The following LOXHD1 variants were observed in gnomAD, a reference collection of about 807,000 sequenced individuals.
LOXHD1 encodes lipoxygenase homology PLAT domains 1, also known as lipoxygenase homology domain-containing protein 1.
A neutral mutation model predicts 248.2 loss-of-function variants in LOXHD1; 205 were observed. The observed-to-expected ratio is 0.83, with a 90% CI of 0.74 to 0.93. The LOEUF (loss-of-function observed/expected upper bound fraction) is 0.93. LOXHD1 is among the 40% of genes least tolerant of loss of function. LOXHD1 has a pLI of 0.00. For missense variants in LOXHD1, 2,930 were observed against 2,971.6 expected (o/e 0.99, Z 0.33); for synonymous variants, 1,113 against 1,162.8 (o/e 0.96, Z 0.87).
At chr18:46,542,589 G>T in intron 24 of LOXHD1, 138 bp downstream of exon 24, 2 of 1,074,840 alleles carry the variant, frequency 1.9e-6, no homozygotes, top group Non-Finnish European at 2.7e-6. Flanking sequence ...GCTCTACTGG[G>T]CTAAAGGGAT....
chr18:46,521,960 G>T, intron 32 of LOXHD1, 141 bp downstream of exon 32: 1 of 664,054 alleles, frequency 1.5e-6, no homozygotes. Context: ...CTGGCTAGTT[G>T]GTTCTTCTCT....
At chr18:46,496,758 T>A (rs1204142772) in intron 37 of LOXHD1, among the ~76,000 whole-genome samples, 1 of 152,162 alleles carries the variant, frequency 6.6e-6, no homozygotes, top group Non-Finnish European at 1.5e-5. Context: ...ATCCCAGCAC[T>A]TTGGGAGGCC....
chr18:46,503,414 G>A lies in LOXHD1; in HGVS notation c.5878+2424C>T, dbSNP rs534227933. Among the ~76,000 whole-genome samples, 38 of 152,256 alleles carry A rather than the reference G, an allele frequency of 2.5e-4. No individual in the cohort carries two copies. The South Asian group carries it at 7.5e-3, about 30-fold the overall frequency. On this transcript the variant is annotated intron_variant, in intron 37 of 40. Coordinates refer to ENST00000642948, the MANE Select transcript of LOXHD1 (RefSeq NM_001384474.1). ...AGGCCTGTGGAGATACACAGAATGT[G>A]GCTCAATGCTTTCACACTTGTCTTG...
chr18:46,656,626 C>G (rs745337604), intron 1 of LOXHD1, among the ~76,000 whole-genome samples: 7 of 152,204 alleles, frequency 4.6e-5, no homozygotes, highest in Non-Finnish European at 8.8e-5. Context: ...AGCTGGAGAA[C>G]ATGGGGCCAT....
intron 19 of LOXHD1, 35 bp downstream of exon 19, chr18:46,560,048 T>TGGCGGGGCC: frequency 8.2e-7 from 1 of 1,226,296 alleles, no homozygotes; most frequent in Non-Finnish European, 1.1e-6. Context: ...GTCTGGCCAC[T>TGGCGGGGCC]CCCTCCCCAC....
intron 8 of LOXHD1, among the ~76,000 whole-genome samples, chr18:46,595,905 T>C (rs1568208815): frequency 6.6e-6 from 1 of 152,194 alleles, no homozygotes; most frequent in Admixed American, 6.5e-5. Flanking sequence ...AGTAGTAAAA[T>C]CCTAAAAGTC....
chr18:46,591,910 A>G (rs1187460178), intron 12 of LOXHD1, 23 bp downstream of exon 12: 4 of 1,551,260 alleles, frequency 2.6e-6, no homozygotes, highest in African/African-American at 1.4e-5. Flanking sequence ...GCCTCCCAGG[A>G]TGGAGAGCCT....
chr18:46,489,964 G>T (rs927677316), intron 37 of LOXHD1, among the ~76,000 whole-genome samples: 2 of 152,148 alleles, frequency 1.3e-5, no homozygotes, highest in Non-Finnish European at 2.9e-5. Context: ...TGAACACATA[G>T]CTGCCCTTGT....
In LOXHD1 at chr18:46,541,856, C is replaced by T. The variant is rs2049313644; in HGVS notation, c.3833G>A (p.Trp1278Ter). 6.4e-7 allele frequency: 1 copy of T among 1,551,732 alleles called. No individual in the cohort carries two copies. Among genetic ancestry groups the T allele is most frequent in the Middle Eastern group, 1.7e-4 (1 of 5,992 alleles). The change falls in exon 25 of 41, where the codon TGG (tryptophan) becomes TAG (stop). Residue 1278 changes from tryptophan to a stop codon, truncating the protein, a stop_gained. Coordinates refer to ENST00000642948, the MANE Select transcript of LOXHD1 (RefSeq NM_001384474.1). LOFTEE classifies it high-confidence loss of function. ...GKCMTFPCGR[W>*]LAKNEDDGSI... ...CCCGTCGTCTTCGTTTTTGGCCAGC[C>T]AGCGGCCACAGGGAAACGTCATGCA...
chr18:46,514,552 C>G lies in LOXHD1; in HGVS notation c.5399+3577G>C, dbSNP rs116554551. ...GAGAGAGTCAAAACTTACAAGCTTA[C>G]TACAGCCCTAGACATGGTCACAGCC... On this transcript the variant is annotated intron_variant, in intron 34 of 40. Coordinates refer to ENST00000642948, the MANE Select transcript of LOXHD1 (RefSeq NM_001384474.1). Among the ~76,000 whole-genome samples the G allele has an allele frequency of 7.1e-3, 1,081 of 152,318 alleles. 3 individuals are homozygous for G. Among genetic ancestry groups the G allele is most frequent in the African/African-American group, 0.025 (1,036 of 41,580 alleles).
At chr18:46,607,468 T>C (rs2038435191) in intron 6 of LOXHD1, among the ~76,000 whole-genome samples, 2 of 150,390 alleles carry the variant, frequency 1.3e-5, no homozygotes, top group South Asian at 4.2e-4. Flanking sequence ...GATAATATGA[T>C]ACATATATAT....
Position 46,541,762 on chromosome 18 carries a change from T to C in LOXHD1, c.3913+14A>G, listed in dbSNP as rs943108297. 1.2e-5 allele frequency: 18 copies of C among 1,551,500 alleles called. No individual in the cohort carries two copies. In the African/African-American group the frequency reaches 2.3e-4, roughly 20 times the overall value. On this transcript the variant is annotated intron_variant, in intron 25 of 40. Coordinates refer to ENST00000642948, the MANE Select transcript of LOXHD1 (RefSeq NM_001384474.1). ...CCCCAGAGAAGGGCTGGCCTTGCCG[T>C]GTGTGGTTCCTACATGGTGTGTACA...
chr18:46,543,426 T>A (rs1003357615), intron 23 of LOXHD1, among the ~76,000 whole-genome samples: 6 of 151,548 alleles, frequency 4.0e-5, no homozygotes, highest in African/African-American at 7.3e-5. Flanking sequence ...TAAAAAAAAT[T>A]TTTTATTACA....
intron 15 of LOXHD1, 36 bp downstream of exon 15, chr18:46,572,050 G>C (rs1238796719): frequency 6.5e-7 from 1 of 1,537,766 alleles, no homozygotes; most frequent in Non-Finnish European, 8.8e-7. Context: ...GTCTCACCAA[G>C]GGCACACCCA....
Position 46,511,223 on chromosome 18 carries a change from TAA to T in LOXHD1, c.5400-1410_5400-1409del, listed in dbSNP as rs1330902110. Among the ~76,000 whole-genome samples, 3 of 152,156 alleles carry T rather than the reference TAA, an allele frequency of 2.0e-5. No individual in the cohort carries two copies. The East Asian group carries it at 5.8e-4, about 29-fold the overall frequency. The stretch of plus-strand genomic sequence containing the variant: ...CTGGATGGACTTCCTCTCTTCGGTG[TAA>T]AACCATCTAAAGTGAAGGCCCTTAT... On this transcript the variant is annotated intron_variant, in intron 34 of 40. Transcript: ENST00000642948.
rs2039189862 is a variant in LOXHD1, at chr18:46,656,896, C to A, written c.130+8G>T. 5.2e-6 allele frequency: 8 copies of A among 1,551,160 alleles called. No homozygotes were observed. Among genetic ancestry groups the A allele is most frequent in the Non-Finnish European group, 4.4e-6 (5 of 1,146,726 alleles). Reference sequence around the variant, plus strand: ...ACCACCCGCCCCCCGCAGGCTGGGACCCCGCACCTCTGGCCTTGTAGTACT... The same window carrying A: ...ACCACCCGCCCCCCGCAGGCTGGGAACCCGCACCTCTGGCCTTGTAGTACT... On this transcript the variant is annotated splice_region_variant and intron_variant, in intron 1 of 40. Transcript: ENST00000642948.
At chr18:46,604,834 C>A (rs1275359022) in intron 6 of LOXHD1, among the ~76,000 whole-genome samples, 1 of 152,166 alleles carries the variant, frequency 6.6e-6, no homozygotes, top group East Asian at 1.9e-4. Flanking sequence ...GAGGGGCCCT[C>A]TCAAAATGTG....
chr18:46,652,835 C>T (rs1395956437), intron 1 of LOXHD1, among the ~76,000 whole-genome samples: 2 of 152,134 alleles, frequency 1.3e-5, no homozygotes, highest in Non-Finnish European at 2.9e-5. Flanking sequence ...GTATCAAATG[C>T]AATAGTAATC....
intron 12 of LOXHD1, 145 bp downstream of exon 12, chr18:46,591,788 G>T: frequency 2.0e-6 from 2 of 988,848 alleles, no homozygotes; most frequent in Non-Finnish European, 3.0e-6. Flanking sequence ...CAGTCTTGAG[G>T]CAGGGACCTT....
Sources: allele counts gnomAD v4.1 joint callset (sites outside exome capture counted in the v4.1 genomes callset), GRCh38; gene constraint gnomAD v4.1.1; transcripts MANE v1.5; gene names NCBI Gene and HGNC (gene_info 2026-07-23, HGNC 2026-07-21).